The following CENPW variants were observed in gnomAD, a reference collection of about 807,000 sequenced individuals.
CENPW encodes the protein centromere protein W.
Under a neutral mutation model 11.1 loss-of-function variants are expected in CENPW, and 3 were observed. The ratio of observed to expected loss-of-function variants is 0.27; its 90% confidence interval spans 0.12 to 0.70. The LOEUF (loss-of-function observed/expected upper bound fraction) is 0.70, where lower values mean the gene tolerates loss of function less well. Among genes scored for constraint, CENPW ranks in the 30% least tolerant of loss-of-function variants. CENPW has a pLI of 0.77. For missense variants in CENPW, 100 were observed against 105.6 expected (o/e 0.95, Z 0.23); for synonymous variants, 38 against 42.0 (o/e 0.91, Z 0.37).
At chr6:126,471,050 G>A in the CENPW span, among the ~76,000 whole-genome samples, 2 of 152,136 alleles carry the variant, frequency 1.3e-5, no homozygotes, top group Non-Finnish European at 2.9e-5. Flanking sequence ...GGGGACTGTT[G>A]GGAATGCATG....
chr6:126,387,428 C>CTAAATGTGGTTTTAAACTAAA, the CENPW span, among the ~76,000 whole-genome samples: 1 of 151,890 alleles, frequency 6.6e-6, no homozygotes, highest in African/African-American at 2.4e-5. Flanking sequence ...ATTTTTTAAA[C>CTAAATGTGGTTTTAAACTAAA]TGTGGTTTTC....
chr6:126,475,398 C>A, the CENPW span, among the ~76,000 whole-genome samples: 1 of 151,652 alleles, frequency 6.6e-6, no homozygotes, highest in African/African-American at 2.4e-5. Flanking sequence ...TAAATAGATA[C>A]AAATTTTTTT....
the CENPW span, among the ~76,000 whole-genome samples, chr6:126,384,192 G>A: frequency 2.0e-5 from 3 of 152,184 alleles, no homozygotes; most frequent in Admixed American, 6.6e-5. Context: ...CAAGAAGTTC[G>A]TTGAAACTAA....
chr6:126,389,914 T>C, the CENPW span, among the ~76,000 whole-genome samples: 1 of 151,902 alleles, frequency 6.6e-6, no homozygotes. Flanking sequence ...GCTACAACAC[T>C]GGCCTGCAAG....
At chr6:126,429,924 TAC>T in the CENPW span, among the ~76,000 whole-genome samples, 3 of 152,230 alleles carry the variant, frequency 2.0e-5, no homozygotes, top group East Asian at 1.9e-4. Flanking sequence ...TTAATTTTGA[TAC>T]AGTTTTTCTC....
At chr6:126,388,891 T>C in the CENPW span, among the ~76,000 whole-genome samples, 3 of 151,926 alleles carry the variant, frequency 2.0e-5, no homozygotes, top group Non-Finnish European at 4.4e-5. Context: ...TGCATGTAGC[T>C]CTTGGGCTGG....
chr6:126,381,704 T>G, the CENPW span, among the ~76,000 whole-genome samples: 1 of 152,188 alleles, frequency 6.6e-6, no homozygotes, highest in African/African-American at 2.4e-5. Flanking sequence ...TGGATCCCAC[T>G]GTCACTGCCC....
intron 1 of CENPW, 82 bp downstream of exon 1, chr6:126,340,481 C>T: frequency 6.2e-7 from 1 of 1,605,400 alleles, no homozygotes; most frequent in Non-Finnish European, 8.5e-7. Flanking sequence ...TTTTTCCGCC[C>T]CGAGCCAATT....
At chr6:126,449,148 A>G in the CENPW span, among the ~76,000 whole-genome samples, 2 of 151,090 alleles carry the variant, frequency 1.3e-5, no homozygotes, top group Non-Finnish European at 3.0e-5. Flanking sequence ...TAAACCTTTT[A>G]TTACATTTTC....
the CENPW span, among the ~76,000 whole-genome samples, chr6:126,439,584 A>G: frequency 6.6e-6 from 1 of 151,646 alleles, no homozygotes; most frequent in Non-Finnish European, 1.5e-5. Flanking sequence ...CAGTCTATCA[A>G]TCAATTGCTA....
chr6:126,344,456 C>T (rs1255784907), intron 1 of CENPW, among the ~76,000 whole-genome samples: 1 of 152,080 alleles, frequency 6.6e-6, no homozygotes, highest in Non-Finnish European at 1.5e-5. Flanking sequence ...TGGAATTTAT[C>T]CTGAGGGTAT....
chr6:126,362,982 T>C, the CENPW span, among the ~76,000 whole-genome samples: 3 of 152,230 alleles, frequency 2.0e-5, no homozygotes, highest in Non-Finnish European at 2.9e-5. Flanking sequence ...TAAAAACATA[T>C]TTTTAGTTAA....
At chr6:126,346,924 G>C (rs1780422685) in intron 2 of CENPW, among the ~76,000 whole-genome samples, 1 of 151,866 alleles carries the variant, frequency 6.6e-6, no homozygotes, top group African/African-American at 2.4e-5. Context: ...CTCTAGCCTG[G>C]GCAACAAGTG....
the CENPW span, among the ~76,000 whole-genome samples, chr6:126,367,008 A>G: frequency 1.3e-5 from 2 of 152,198 alleles, no homozygotes; most frequent in South Asian, 2.1e-4. Context: ...TTTAGTCTCT[A>G]CCTTTCCACA....
chr6:126,377,680 GT>G, the CENPW span, among the ~76,000 whole-genome samples: 7 of 152,242 alleles, frequency 4.6e-5, no homozygotes, highest in African/African-American at 1.7e-4. Context: ...CTTTTGACTT[GT>G]TTTGCATAAG....
chr6:126,434,306 G>A, the CENPW span, among the ~76,000 whole-genome samples: 1 of 152,096 alleles, frequency 6.6e-6, no homozygotes, highest in African/African-American at 2.4e-5. Context: ...GCAGTTAAAT[G>A]ATGAGGGCTG....
chr6:126,356,985 C>G, the CENPW span, among the ~76,000 whole-genome samples: 1 of 152,084 alleles, frequency 6.6e-6, no homozygotes, highest in African/African-American at 2.4e-5. Context: ...GTTGCCATTG[C>G]TTTTGGAGAC....
chr6:126,385,088 C>T, the CENPW span, among the ~76,000 whole-genome samples: 1 of 151,868 alleles, frequency 6.6e-6, no homozygotes, highest in African/African-American at 2.4e-5. Context: ...AGAATGGCTA[C>T]TATTAAAAAG....
chr6:126,405,817 C>T, the CENPW span, among the ~76,000 whole-genome samples: 1 of 151,878 alleles, frequency 6.6e-6, no homozygotes, highest in Non-Finnish European at 1.5e-5. Context: ...TATAGAAATG[C>T]TACTGATTTT....
Sources: allele counts gnomAD v4.1 joint callset (sites outside exome capture counted in the v4.1 genomes callset), GRCh38; gene constraint gnomAD v4.1.1; transcripts MANE v1.5; gene names NCBI Gene and HGNC (gene_info 2026-07-23, HGNC 2026-07-21).